TRERF1: variants seen among roughly 807,000 people sequenced by gnomAD.
TRERF1 encodes the protein transcriptional regulating factor 1.
A neutral mutation model predicts 122.9 loss-of-function variants in TRERF1; 27 were observed. The observed-to-expected ratio is 0.22, with a 90% confidence interval of 0.16 to 0.30. TRERF1 has a LOEUF of 0.30. TRERF1 is among the 10% of genes least tolerant of loss of function. The probability of loss-of-function intolerance (pLI) is 1.00; values close to 1 mark genes in which losing one functional copy is unlikely to be tolerated. For synonymous variants in TRERF1, 636 were observed against 641.7 expected (o/e 0.99, Z 0.13); for missense variants, 1,248 against 1,560.3 (o/e 0.80, Z 3.37).
chr6:42,450,306 T>C (rs1788235383), intron 2 of TRERF1, among the ~76,000 whole-genome samples: 1 of 152,242 alleles, frequency 6.6e-6, no homozygotes, highest in South Asian at 2.1e-4. Flanking sequence ...TGCTGAAAAG[T>C]GCACCTGGAC....
chr6:42,316,608 G>A (rs1000224102), intron 3 of TRERF1, among the ~76,000 whole-genome samples: 1 of 152,158 alleles, frequency 6.6e-6, no homozygotes, highest in Admixed American at 6.5e-5. Context: ...CCTCATTCCT[G>A]GGTGTAGACC....
intron 2 of TRERF1, among the ~76,000 whole-genome samples, chr6:42,379,946 T>C (rs537846150): frequency 2.0e-5 from 3 of 152,146 alleles, no homozygotes; most frequent in Non-Finnish European, 2.9e-5. Context: ...GTTAAATAAA[T>C]ATCTATATGC....
intron 12 of TRERF1, among the ~76,000 whole-genome samples, chr6:42,255,494 A>T (rs59179052): frequency 6.6e-6 from 1 of 152,122 alleles, no homozygotes; most frequent in African/African-American, 2.4e-5. Context: ...TGCTACTCTA[A>T]GTGTGGTCCA....
intron 4 of TRERF1, among the ~76,000 whole-genome samples, chr6:42,296,925 C>T (rs1380833035): frequency 1.3e-5 from 2 of 152,200 alleles, no homozygotes; most frequent in Non-Finnish European, 2.9e-5. Context: ...GCCATTTCCT[C>T]CCTCAAGGAA....
intron 3 of TRERF1, among the ~76,000 whole-genome samples, chr6:42,342,396 TG>T (rs1767467230): frequency 6.6e-6 from 1 of 152,120 alleles, no homozygotes; most frequent in Non-Finnish European, 1.5e-5. Flanking sequence ...TGGCAAATAG[TG>T]GGTATCCTGC....
intron 4 of TRERF1, among the ~76,000 whole-genome samples, chr6:42,272,229 G>A (rs760476970): frequency 6.6e-5 from 10 of 152,182 alleles, no homozygotes; most frequent in African/African-American, 1.4e-4. Flanking sequence ...CACTGCAGTC[G>A]TACCCTTCTA....
chr6:42,396,705 A>T (rs1778652112), intron 2 of TRERF1, among the ~76,000 whole-genome samples: 1 of 152,188 alleles, frequency 6.6e-6, no homozygotes, highest in Admixed American at 6.5e-5. Context: ...GGTGTATTAT[A>T]AGAGAGAACA....
rs558989810 is a variant in TRERF1 at position 42,262,295 on chromosome 6, C to G, written c.1884+1025G>C. On this transcript the variant is annotated intron_variant, in intron 8 of 17. Transcript: ENST00000372922. ...ATTCATTATCTTCTCTCCCTCTACC[C>G]TGGCCCAGCCTACCCTTATGCCTCC... Among the ~76,000 whole-genome samples the G allele has an allele frequency of 8.0e-4, 122 of 152,160 alleles. 1 individual carries two copies. The highest frequency in any genetic ancestry group is 2.7e-3 in the African/African-American group (113 of 41,504).
chr6:42,350,105 T>G (rs1769118470), intron 3 of TRERF1, among the ~76,000 whole-genome samples: 1 of 152,042 alleles, frequency 6.6e-6, no homozygotes, highest in South Asian at 2.1e-4. Context: ...CCAAAGGGAC[T>G]AGACTTCTCC....
intron 3 of TRERF1, among the ~76,000 whole-genome samples, chr6:42,355,560 G>A (rs541564543): frequency 1.3e-5 from 2 of 152,300 alleles, no homozygotes; most frequent in African/African-American, 4.8e-5. Flanking sequence ...GAAGGATCTG[G>A]AAGTTTTCCA....
At chr6:42,317,136 C>T (rs2150404786) in intron 3 of TRERF1, among the ~76,000 whole-genome samples, 2 of 152,192 alleles carry the variant, frequency 1.3e-5, no homozygotes, top group Non-Finnish European at 1.5e-5. Flanking sequence ...CCCCTGTCCA[C>T]AAAATTATCC....
intron 2 of TRERF1, among the ~76,000 whole-genome samples, chr6:42,402,968 C>A (rs556740543): frequency 1.3e-5 from 2 of 152,242 alleles, no homozygotes; most frequent in Admixed American, 1.3e-4. Flanking sequence ...GGCTCTCAGC[C>A]ACCAAGTTGC....
At chr6:42,383,548 G>A (rs934118284) in intron 2 of TRERF1, among the ~76,000 whole-genome samples, 3 of 151,982 alleles carry the variant, frequency 2.0e-5, no homozygotes, top group Non-Finnish European at 4.4e-5. Flanking sequence ...ACTGTTCCCC[G>A]CTCCGACGAG....
chr6:42,259,255 A>T lies in TRERF1; in HGVS notation c.2269+84T>A. The T allele has an allele frequency of 7.0e-7, 1 of 1,436,270 alleles. No homozygotes were observed. Among genetic ancestry groups the T allele is most frequent in the Non-Finnish European group, 9.1e-7 (1 of 1,099,398 alleles). 89.0% of individuals were successfully genotyped at this position (1,436,270 alleles called of 1,614,324 possible). The stretch of plus-strand genomic sequence containing the variant: ...AATACTCCGCAAAAGTCTGTGGGAT[A>T]AATGAGAAAGCTAAAGAAAACGAGA... On this transcript the variant is annotated intron_variant, in intron 9 of 17. Coordinates refer to ENST00000372922, the Ensembl canonical transcript of TRERF1. The surrounding 1 kb of genome is among the most constrained non-coding windows in gnomAD (Gnocchi z 4.9).
chr6:42,397,665 C>G (rs1778822163), intron 2 of TRERF1, among the ~76,000 whole-genome samples: 2 of 152,162 alleles, frequency 1.3e-5, no homozygotes, highest in South Asian at 4.1e-4. Flanking sequence ...AAACCCCACT[C>G]TATTAAACAG....
intron 3 of TRERF1, among the ~76,000 whole-genome samples, chr6:42,342,711 T>C (rs1767521536): frequency 6.6e-6 from 1 of 152,224 alleles, no homozygotes; most frequent in African/African-American, 2.4e-5. Flanking sequence ...GGGGACTCAC[T>C]GTCTCATAAA....
intron 12 of TRERF1, 56 bp from the exon 13 acceptor site, chr6:42,254,982 T>G (rs1042691577): frequency 1.3e-5 from 20 of 1,566,168 alleles, no homozygotes; most frequent in Non-Finnish European, 1.8e-5. Context: ...GTGTGTCCTA[T>G]GGAGATCATC....
intron 2 of TRERF1, among the ~76,000 whole-genome samples, chr6:42,446,371 C>T (rs1000369606): frequency 6.6e-6 from 1 of 152,234 alleles, no homozygotes; most frequent in Non-Finnish European, 1.5e-5. Context: ...AGTCCTTCTG[C>T]ACAGGCTCTC....
chr6:42,318,351 C>T (rs1473294773), intron 3 of TRERF1, among the ~76,000 whole-genome samples: 1 of 152,174 alleles, frequency 6.6e-6, no homozygotes, highest in Admixed American at 6.5e-5. Context: ...TCTACCCCTA[C>T]CATGTAGGGT....
Sources: gnomAD v4.1 joint callset for allele counts (sites outside exome capture counted in the v4.1 genomes callset) on GRCh38, gnomAD v4.1.1 for gene constraint, Gnocchi (gnomAD v3.1) non-coding constraint, MANE v1.5 for transcripts, NCBI Gene and HGNC (gene_info 2026-07-23, HGNC 2026-07-21) for gene names.